Variants in RMST observed in about 807,000 individuals in gnomAD.
The protein encoded by RMST is long intergenic non-protein coding RNA 54.
chr12:97,526,377 G>A (rs999235951), intron 10 of RMST, among the ~76,000 whole-genome samples: 5 of 152,014 alleles, frequency 3.3e-5, no homozygotes, highest in African/African-American at 7.3e-5. Flanking sequence ...TGGCTGCATG[G>A]CATTCTACAG....
chr12:97,502,769 A>T (rs1878224378), intron 10 of RMST, among the ~76,000 whole-genome samples: 1 of 152,214 alleles, frequency 6.6e-6, no homozygotes, highest in Non-Finnish European at 1.5e-5. Flanking sequence ...GGCCTCTATG[A>T]ATGTAGAACT....
intron 10 of RMST, among the ~76,000 whole-genome samples, chr12:97,509,602 A>ATC (rs1173890738): frequency 6.6e-6 from 1 of 151,876 alleles, no homozygotes; most frequent in African/African-American, 2.4e-5. Context: ...CTCTTTCCCC[A>ATC]TCTCTCTCCC....
At chr12:97,467,983 T>C (rs1295625790) in intron 5 of RMST, among the ~76,000 whole-genome samples, 1 of 152,018 alleles carries the variant, frequency 6.6e-6, no homozygotes, top group Non-Finnish European at 1.5e-5. Flanking sequence ...CTATCTTGGT[T>C]TATTTTCCAC....
intron 5 of RMST, among the ~76,000 whole-genome samples, chr12:97,491,364 A>T (rs1876786601): frequency 2.0e-5 from 3 of 152,330 alleles, no homozygotes; most frequent in African/African-American, 7.2e-5. Flanking sequence ...TATCTAAAAC[A>T]TTCCAGATGA....
At chr12:97,561,628 GCTT>G (rs1884110147) in intron 13 of RMST, among the ~76,000 whole-genome samples, 5 of 108,718 alleles carry the variant, frequency 4.6e-5, no homozygotes, top group African/African-American at 7.0e-5. Context: ...TAGTTTGAAG[GCTT>G]TTTTTTTTTT....
chr12:97,550,014 T>G (rs942490180), intron 11 of RMST, among the ~76,000 whole-genome samples: 3 of 152,218 alleles, frequency 2.0e-5, no homozygotes, highest in Admixed American at 2.0e-4. Context: ...CAATGTTTGT[T>G]AAGTAATTAG....
intron 10 of RMST, among the ~76,000 whole-genome samples, chr12:97,523,570 T>G (rs1300151058): frequency 6.6e-6 from 1 of 152,202 alleles, no homozygotes; most frequent in Non-Finnish European, 1.5e-5. Flanking sequence ...TATTAAAACA[T>G]CACACTGTAC....
chr12:97,511,782 T>C (rs1407384777), intron 10 of RMST, among the ~76,000 whole-genome samples: 2 of 152,118 alleles, frequency 1.3e-5, no homozygotes, highest in South Asian at 2.1e-4. Flanking sequence ...AACTAGGGGG[T>C]ATGAAAATGG....
chr12:97,478,269 C>A (rs1479130630), intron 5 of RMST, among the ~76,000 whole-genome samples: 1 of 152,110 alleles, frequency 6.6e-6, no homozygotes, highest in African/African-American at 2.4e-5. Flanking sequence ...AATTTTATGA[C>A]CTGAGAACTA....
intron 5 of RMST, among the ~76,000 whole-genome samples, chr12:97,482,199 T>A (rs1875382544): frequency 6.6e-6 from 1 of 152,192 alleles, no homozygotes; most frequent in South Asian, 2.1e-4. Context: ...TTTATTAACG[T>A]CTTGGGGATT....
chr12:97,547,758 G>A (rs1230129496), intron 11 of RMST, among the ~76,000 whole-genome samples: 1 of 152,020 alleles, frequency 6.6e-6, no homozygotes. Flanking sequence ...TCTTGCTACT[G>A]AGTTGTTTGA....
intron 10 of RMST, among the ~76,000 whole-genome samples, chr12:97,530,012 T>C (rs142236958): frequency 1.5e-3 from 224 of 152,212 alleles, no homozygotes; most frequent in African/African-American, 5.1e-3. Context: ...AATTGGAATT[T>C]TTAGAGTATT....
At chr12:97,471,581 A>G (rs1175911432) in intron 5 of RMST, among the ~76,000 whole-genome samples, 2 of 150,874 alleles carry the variant, frequency 1.3e-5, no homozygotes, top group African/African-American at 2.4e-5. Context: ...GATGTCGGTA[A>G]AATGCAGAGG....
chr12:97,484,056 CTCT>C (rs1008464088), intron 5 of RMST, among the ~76,000 whole-genome samples: 11 of 152,114 alleles, frequency 7.2e-5, no homozygotes, highest in Admixed American at 4.6e-4. Context: ...ATGGAAACAG[CTCT>C]TCTTCTTGTG....
At chr12:97,480,932 G>A (rs930352014) in intron 5 of RMST, among the ~76,000 whole-genome samples, 21 of 151,830 alleles carry the variant, frequency 1.4e-4, no homozygotes, top group Admixed American at 6.6e-4. Flanking sequence ...TCAATACCCC[G>A]TACATAATCC....
chr12:97,524,434 G>A (rs1674159556), intron 10 of RMST, among the ~76,000 whole-genome samples: 1 of 152,284 alleles, frequency 6.6e-6, no homozygotes, highest in South Asian at 2.1e-4. Context: ...AACCAGTAGA[G>A]AGGGCCAGCA....
chr12:97,509,962 A>G (rs1350322748), intron 10 of RMST, among the ~76,000 whole-genome samples: 1 of 152,168 alleles, frequency 6.6e-6, no homozygotes, highest in Non-Finnish European at 1.5e-5. Flanking sequence ...TGGGGAAAAT[A>G]ATTTTGCCTT....
At position 97,493,454 on chromosome 12, in the gene RMST, T is replaced by C. The variant is rs571045069; in HGVS notation, n.899+169T>C. On this transcript the variant is annotated intron_variant and non_coding_transcript_variant, in intron 7 of 13. Transcript: ENST00000640149. ...AAAATGTAAGTAGAATTTCAACATATACATTTCTCTTATTTATTTTCTTAG... is the reference window on the plus strand; with the variant it reads ...AAAATGTAAGTAGAATTTCAACATACACATTTCTCTTATTTATTTTCTTAG... Among the ~76,000 whole-genome samples the C allele has an allele frequency of 4.9e-4, 75 of 152,338 alleles. No homozygotes were observed. In the South Asian group the frequency reaches 6.2e-3, roughly 13 times the overall value.
chr12:97,552,248 T>C (rs1409103622), intron 11 of RMST: 2 of 152,224 alleles, frequency 1.3e-5, no homozygotes, highest in African/African-American at 2.4e-5. Context: ...ATAAGCCAGC[T>C]TGATGTTTTC....
Sources: allele counts gnomAD v4.1 joint callset (sites outside exome capture counted in the v4.1 genomes callset), GRCh38; gene constraint gnomAD v4.1.1; transcripts MANE v1.5; gene names NCBI Gene and HGNC (gene_info 2026-07-23, HGNC 2026-07-21).